MPPED1: variants seen among roughly 807,000 people sequenced by gnomAD.
MPPED1 encodes the protein metallophosphoesterase domain-containing protein 1.
In MPPED1, 16 loss-of-function variants were observed where a neutral mutation model predicts 36.2. That is an observed-to-expected ratio of 0.44 (90% CI 0.30 to 0.67). The LOEUF (loss-of-function observed/expected upper bound fraction) is 0.67, where lower values mean the gene tolerates loss of function less well. Among genes scored for constraint, MPPED1 ranks in the 30% least tolerant of loss-of-function variants. MPPED1 has a pLI of 0.10. For missense variants in MPPED1, 307 were observed against 453.4 expected (o/e 0.68, Z 2.93); for synonymous variants, 199 against 191.3 (o/e 1.04, Z -0.33).
chr22:43,446,422 T>C (rs1286186310), intron 3 of MPPED1, among the ~76,000 whole-genome samples: 3 of 151,556 alleles, frequency 2.0e-5, no homozygotes, highest in Non-Finnish European at 4.4e-5. Context: ...TGAGGGGACA[T>C]GAAGGGATGG....
In MPPED1 at chr22:43,447,877, ATATATATTTTTT is replaced by A. The variant is rs1367409790; in HGVS notation, c.406+12664_406+12675del. Among the ~76,000 whole-genome samples, 27 of 32,476 alleles carry A rather than the reference ATATATATTTTTT, an allele frequency of 8.3e-4. 1 individual carries two copies. The highest frequency in any genetic ancestry group is 4.7e-3 in the African/African-American group (26 of 5,588). 21.3% of individuals were successfully genotyped at this position (32,476 alleles called of 152,430 possible). ...GTAAATATTATATATATATATATAT[ATATATATTTTTT>A]TTTTTTTTAGACAAAGTCTCGCCCT... is the stretch of plus-strand genomic sequence containing the variant. On this transcript the variant is annotated intron_variant, in intron 3 of 6. Coordinates refer to ENST00000443721, the MANE Select transcript of MPPED1 (RefSeq NM_001044370.2).
chr22:43,497,104 G>A (rs924297016), intron 4 of MPPED1, among the ~76,000 whole-genome samples: 4 of 150,848 alleles, frequency 2.7e-5, no homozygotes, highest in South Asian at 4.2e-4. Flanking sequence ...CGGAGATGGT[G>A]GTGATGGAGG....
chr22:43,421,123 G>A (rs1005260439), intron 1 of MPPED1, among the ~76,000 whole-genome samples: 1 of 152,224 alleles, frequency 6.6e-6, no homozygotes, highest in East Asian at 1.9e-4. Context: ...CATCGCTCGC[G>A]TGCTGTGCTG....
chr22:43,418,321 C>T (rs894535875), intron 1 of MPPED1: 33 of 353,004 alleles, frequency 9.3e-5, no homozygotes, highest in African/African-American at 3.2e-4. Context: ...TCAAGTCACA[C>T]GGTGAAGCAA....
intron 3 of MPPED1, among the ~76,000 whole-genome samples, chr22:43,445,632 C>T (rs1215239053): frequency 7.0e-6 from 1 of 143,252 alleles, no homozygotes; most frequent in Admixed American, 7.5e-5. Context: ...ACAATCATTG[C>T]TTACTGCAGC....
At position 43,474,656 on chromosome 22, in the gene MPPED1, G is replaced by T; in HGVS notation, c.407-80G>T. The T allele has an allele frequency of 1.3e-6, 2 of 1,556,016 alleles. No homozygotes were observed. Among genetic ancestry groups the T allele is most frequent in the Non-Finnish European group, 1.8e-6 (2 of 1,135,332 alleles). On this transcript the variant is annotated intron_variant, in intron 3 of 6. Coordinates refer to ENST00000443721, the MANE Select transcript of MPPED1 (RefSeq NM_001044370.2). The surrounding 1 kb of genome is among the most constrained non-coding windows in gnomAD (Gnocchi z 5.2). ...GAGTTCATGCAGCTTCCTCCTGCCC[G>T]CCCCTCTCTCAGCCGTGCTGTGGCT...
intron 6 of MPPED1, 53 bp from the exon 7 acceptor site, chr22:43,505,445 G>C (rs933785996): frequency 2.0e-6 from 3 of 1,515,816 alleles, no homozygotes; most frequent in Non-Finnish European, 2.7e-6. Flanking sequence ...CACCCCCCTG[G>C]CCACCCTCAC....
At chr22:43,438,106 C>T (rs1331480665) in intron 3 of MPPED1, among the ~76,000 whole-genome samples, 1 of 152,286 alleles carries the variant, frequency 6.6e-6, no homozygotes, top group Admixed American at 6.5e-5. Flanking sequence ...GCCCTGAGCA[C>T]ACAGGGCCCC....
chr22:43,476,349 G>A (rs1476036453), intron 4 of MPPED1, among the ~76,000 whole-genome samples: 3 of 152,082 alleles, frequency 2.0e-5, no homozygotes, highest in Non-Finnish European at 4.4e-5. Flanking sequence ...TGGAGGAGGT[G>A]GGGTAACCTG....
At chr22:43,456,076 G>A (rs1930742945) in intron 3 of MPPED1, among the ~76,000 whole-genome samples, 1 of 152,174 alleles carries the variant, frequency 6.6e-6, no homozygotes, top group Admixed American at 6.5e-5. Flanking sequence ...ACAAGATCAT[G>A]TTTCTCTGTG....
At chr22:43,459,253 G>A (rs991520702) in intron 3 of MPPED1, among the ~76,000 whole-genome samples, 1 of 152,028 alleles carries the variant, frequency 6.6e-6, no homozygotes, top group Non-Finnish European at 1.5e-5. Context: ...GCTAATTTTT[G>A]TATTTTCAGT....
Position 43,461,310 on chromosome 22 carries a change from T to G in MPPED1, c.407-13426T>G, listed in dbSNP as rs145202376. ...TCCTGTGACTGCTAGGCTGGTAGTT[T>G]TCACAGCTGCAATAGTTCTGAGACT... On this transcript the variant is annotated intron_variant, in intron 3 of 6. Coordinates refer to ENST00000443721, the MANE Select transcript of MPPED1 (RefSeq NM_001044370.2). 1.9e-3 allele frequency among the ~76,000 whole-genome samples: 296 copies of G among 152,336 alleles called. 2 individuals are homozygous for G. Among genetic ancestry groups the G allele is most frequent in the African/African-American group, 6.9e-3 (285 of 41,576 alleles).
intron 3 of MPPED1, among the ~76,000 whole-genome samples, chr22:43,456,880 T>C (rs1930774584): frequency 1.3e-5 from 2 of 152,228 alleles, no homozygotes; most frequent in African/African-American, 4.8e-5. Context: ...ATCATATGGT[T>C]TCCCCCTTAT....
chr22:43,454,669 G>A (rs1930691682), intron 3 of MPPED1, among the ~76,000 whole-genome samples: 1 of 152,106 alleles, frequency 6.6e-6, no homozygotes, highest in African/African-American at 2.4e-5. Flanking sequence ...TCCCACCTCA[G>A]CCTCCTGAAT....
intron 3 of MPPED1, among the ~76,000 whole-genome samples, chr22:43,456,861 G>C (rs1370410526): frequency 6.6e-6 from 1 of 152,174 alleles, no homozygotes; most frequent in African/African-American, 2.4e-5. Flanking sequence ...TTCTGTGCCT[G>C]TTGAGATGAT....
intron 4 of MPPED1, among the ~76,000 whole-genome samples, chr22:43,495,940 GGTA>G (rs1370061173): frequency 2.8e-5 from 4 of 141,726 alleles, no homozygotes; most frequent in Admixed American, 1.4e-4. Flanking sequence ...TGATGGTGGA[GGTA>G]GTGGTGGTGG....
intron 3 of MPPED1, among the ~76,000 whole-genome samples, chr22:43,465,432 G>GT (rs1931131572): frequency 6.6e-6 from 1 of 152,266 alleles, no homozygotes; most frequent in African/African-American, 2.4e-5. Flanking sequence ...CTTGCCATGG[G>GT]TTGTAAGGGA....
intron 1 of MPPED1, among the ~76,000 whole-genome samples, chr22:43,422,750 C>T (rs918992396): frequency 2.0e-5 from 3 of 152,124 alleles, no homozygotes; most frequent in Non-Finnish European, 4.4e-5. Flanking sequence ...TGAGGTGAGC[C>T]GGCGCCTGGG....
intron 3 of MPPED1, among the ~76,000 whole-genome samples, chr22:43,455,115 CTT>C (rs71284734): frequency 3.4e-4 from 42 of 122,706 alleles, no homozygotes; most frequent in Admixed American, 6.0e-4. Flanking sequence ...CCTTCATGTC[CTT>C]TTTTTTTTTT....
Sources: gnomAD v4.1 joint callset for allele counts (sites outside exome capture counted in the v4.1 genomes callset) on GRCh38, gnomAD v4.1.1 for gene constraint, Gnocchi (gnomAD v3.1) non-coding constraint, MANE v1.5 for transcripts, NCBI Gene and HGNC (gene_info 2026-07-23, HGNC 2026-07-21) for gene names.